Variants in EPB41 observed in about 807,000 individuals in gnomAD.
EPB41 encodes the protein protein 4.1.
In EPB41, 65 loss-of-function variants were observed where a neutral mutation model predicts 108.0. The ratio of observed to expected loss-of-function variants is 0.60; its 90% CI spans 0.49 to 0.74. EPB41 has a LOEUF of 0.74. Ranked by LOEUF, EPB41 falls within the 30% of genes least tolerant of loss-of-function variation. The pLI is 0.00. For synonymous variants in EPB41, 336 were observed against 358.9 expected, an observed-to-expected ratio of 0.94 and a Z score of 0.72; for missense variants, 875 against 1,037.0, an observed-to-expected ratio of 0.84 and a Z score of 2.15.
chr1:29,015,109 C>A (rs879271818), intron 5 of EPB41, among the ~76,000 whole-genome samples: 1 of 152,162 alleles, frequency 6.6e-6, no homozygotes, highest in African/African-American at 2.4e-5. Flanking sequence ...TTATGTAGTT[C>A]TAATCCTTTA....
chr1:29,114,636 TAAA>T (rs62666661), intron 19 of EPB41, among the ~76,000 whole-genome samples: 47 of 77,734 alleles, frequency 6.0e-4, no homozygotes, highest in South Asian at 9.6e-4. Context: ...AGACTCCGTC[TAAA>T]AAAAAAAAAA....
chr1:28,985,180 T>C (rs1371284492), intron 1 of EPB41, among the ~76,000 whole-genome samples: 1 of 151,890 alleles, frequency 6.6e-6, no homozygotes, highest in Non-Finnish European at 1.5e-5. Context: ...ACCAGGCTGG[T>C]CTCAAACTCC....
chr1:28,916,602 A>T (rs116623814), intron 1 of EPB41, among the ~76,000 whole-genome samples: 2,517 of 152,334 alleles, frequency 0.017, 34 homozygotes, highest in Non-Finnish European at 0.026. Context: ...GCACCACTGC[A>T]CTTCAACCTG....
intron 1 of EPB41, among the ~76,000 whole-genome samples, chr1:28,938,350 C>G (rs2094134628): frequency 6.6e-6 from 1 of 152,060 alleles, no homozygotes; most frequent in South Asian, 2.1e-4. Flanking sequence ...ATTTTTTCCG[C>G]TTATTTAGGT....
intron 16 of EPB41, among the ~76,000 whole-genome samples, chr1:29,074,794 A>G (rs1653141735): frequency 6.6e-6 from 1 of 152,250 alleles, no homozygotes; most frequent in South Asian, 2.1e-4. Context: ...TAAAAGCCAA[A>G]TAACTTGAAT....
chr1:28,984,751 G>A (rs908431073), intron 1 of EPB41, among the ~76,000 whole-genome samples: 2 of 151,112 alleles, frequency 1.3e-5, no homozygotes, highest in African/African-American at 4.9e-5. Context: ...TCAGCCTCCT[G>A]GATTCAAGTG....
chr1:29,025,897 T>C (rs1297179355), intron 7 of EPB41, among the ~76,000 whole-genome samples: 1 of 150,172 alleles, frequency 6.7e-6, no homozygotes, highest in East Asian at 1.9e-4. Context: ...ATGAGGATGG[T>C]AGTCATGTGT....
chr1:28,962,810 G>A (rs1047663121), intron 1 of EPB41, among the ~76,000 whole-genome samples: 1 of 152,114 alleles, frequency 6.6e-6, no homozygotes, highest in East Asian at 1.9e-4. Context: ...GTAGCTGCTG[G>A]AGCATTTATG....
intron 16 of EPB41, among the ~76,000 whole-genome samples, chr1:29,077,103 C>A (rs1210886962): frequency 1.3e-5 from 2 of 152,130 alleles, no homozygotes; most frequent in Non-Finnish European, 2.9e-5. Context: ...AAATTAATCA[C>A]CTTATGCCCA....
rs528537926 is a variant in EPB41 at position 28,977,293 on chromosome 1, A to C, written c.-7-10138A>C. Among the ~76,000 whole-genome samples, 4 of 152,246 alleles carry C rather than the reference A, an allele frequency of 2.6e-5. No individual in the cohort carries two copies. In the South Asian group the frequency reaches 8.3e-4, roughly 32 times the overall value. On this transcript the variant is annotated intron_variant, in intron 1 of 20. Transcript: ENST00000343067. The stretch of plus-strand genomic sequence containing the variant: ...ACTGCAATGTTTTTGTGAAGTTTTC[A>C]ACTCAAGAAGCATTAATGGAGCACT...
intron 2 of EPB41, among the ~76,000 whole-genome samples, chr1:28,990,356 C>CCTCCCTTCCTCT (rs1459171677): frequency 2.2e-5 from 3 of 136,668 alleles, no homozygotes; most frequent in Non-Finnish European, 4.7e-5. Flanking sequence ...TCCCTCCCTC[C>CCTCCCTTCCTCT]CTTCCTCTCT....
intron 4 of EPB41, 41 bp downstream of exon 4, chr1:28,997,360 T>A (rs1166825341): frequency 1.3e-5 from 16 of 1,206,602 alleles, no homozygotes; most frequent in Non-Finnish European, 2.0e-5. Context: ...GACAAAAAAT[T>A]TATTTTAATT....
intron 4 of EPB41, among the ~76,000 whole-genome samples, chr1:29,004,904 A>G (rs1346590461): frequency 6.6e-6 from 1 of 152,198 alleles, no homozygotes; most frequent in Non-Finnish European, 1.5e-5. Flanking sequence ...ACCTCAAAAG[A>G]CAAGGATTTG....
At chr1:29,036,933 G>A (rs761003049) in intron 10 of EPB41, among the ~76,000 whole-genome samples, 2 of 151,846 alleles carry the variant, frequency 1.3e-5, no homozygotes, top group African/African-American at 2.4e-5. Flanking sequence ...GCCCACCTCG[G>A]CCTCCCAAAG....
At chr1:29,036,744 C>T (rs929117207) in intron 10 of EPB41, among the ~76,000 whole-genome samples, 17 of 148,620 alleles carry the variant, frequency 1.1e-4, no homozygotes, top group African/African-American at 2.2e-4. Flanking sequence ...TGGCGGATCT[C>T]GGCTCACTGC....
chr1:28,922,159 G>A (rs537605417), intron 1 of EPB41, among the ~76,000 whole-genome samples: 3 of 151,150 alleles, frequency 2.0e-5, no homozygotes, highest in Non-Finnish European at 4.4e-5. Flanking sequence ...TAGTAGACAC[G>A]GGGTTTCACC....
chr1:28,940,509 G>C (rs1031401890), intron 1 of EPB41, among the ~76,000 whole-genome samples: 3 of 152,038 alleles, frequency 2.0e-5, no homozygotes, highest in African/African-American at 7.2e-5. Context: ...AAAATTAGCC[G>C]GGCGTGGTGG....
At chr1:29,054,666 A>C (rs1202768130) in intron 12 of EPB41, among the ~76,000 whole-genome samples, 2 of 152,114 alleles carry the variant, frequency 1.3e-5, no homozygotes, top group African/African-American at 4.8e-5. Flanking sequence ...CTTTGGCAAA[A>C]TGGTGAAACC....
At chr1:28,965,912 G>T (rs2095344726) in intron 1 of EPB41, among the ~76,000 whole-genome samples, 1 of 152,164 alleles carries the variant, frequency 6.6e-6, no homozygotes, top group Non-Finnish European at 1.5e-5. Context: ...GCCGGGCGTG[G>T]TGGCTCATGC....
Sources: allele counts gnomAD v4.1 joint callset (sites outside exome capture counted in the v4.1 genomes callset), GRCh38; gene constraint gnomAD v4.1.1; transcripts MANE v1.5; gene names NCBI Gene and HGNC (gene_info 2026-07-23, HGNC 2026-07-21).